ZNF385D: variants seen among roughly 807,000 people sequenced by gnomAD.
ZNF385D encodes the protein zinc finger protein 385D.
In ZNF385D, 15 loss-of-function variants were observed where a neutral mutation model predicts 35.8. The ratio of observed to expected loss-of-function variants is 0.42; its 90% confidence interval spans 0.28 to 0.64. The LOEUF (loss-of-function observed/expected upper bound fraction) is 0.64, where lower values mean the gene tolerates loss of function less well. Ranked by LOEUF, ZNF385D falls within the 30% of genes least tolerant of loss-of-function variation. ZNF385D has a pLI of 0.23. For missense variants in ZNF385D, 474 were observed against 494.6 expected (o/e 0.96, Z 0.39); for synonymous variants, 212 against 186.8 (o/e 1.13, Z -1.10).
chr3:21,449,217 C>A (rs1238364708), intron 4 of ZNF385D, among the ~76,000 whole-genome samples: 1 of 151,488 alleles, frequency 6.6e-6, no homozygotes, highest in Non-Finnish European at 1.5e-5. Context: ...TCTGTGTTAT[C>A]TCTGAAACCA....
chr3:22,338,442 GC>G (rs1437111765), intron 2 of ZNF385D, among the ~76,000 whole-genome samples: 1 of 150,388 alleles, frequency 6.6e-6, no homozygotes, highest in Non-Finnish European at 1.5e-5. Flanking sequence ...GCTGTAGATT[GC>G]CCTTTTTTTG....
intron 2 of ZNF385D, among the ~76,000 whole-genome samples, chr3:22,305,241 CCTT>C (rs1703140384): frequency 6.6e-6 from 1 of 152,062 alleles, no homozygotes; most frequent in Non-Finnish European, 1.5e-5. Context: ...CTATTTATCT[CCTT>C]AACATTTATC....
At chr3:22,010,316 G>A (rs73048192) in intron 3 of ZNF385D, among the ~76,000 whole-genome samples, 25,041 of 152,136 alleles carry the variant, frequency 0.16, 2,204 homozygotes, top group Non-Finnish European at 0.19. Flanking sequence ...GAAATTTACT[G>A]AAGTGGGGCA....
chr3:22,257,879 A>G (rs1056124687), intron 2 of ZNF385D, among the ~76,000 whole-genome samples: 1 of 151,846 alleles, frequency 6.6e-6, no homozygotes, highest in Non-Finnish European at 1.5e-5. Context: ...GTTATTTTCT[A>G]GTGATATTTT....
At chr3:22,271,929 T>C (rs908249868) in intron 2 of ZNF385D, among the ~76,000 whole-genome samples, 2 of 152,078 alleles carry the variant, frequency 1.3e-5, no homozygotes, top group Non-Finnish European at 2.9e-5. Flanking sequence ...ACTTTGAATA[T>C]TGAATTTTGA....
chr3:21,703,839 G>C (rs550995442), intron 1 of ZNF385D, among the ~76,000 whole-genome samples: 1 of 152,062 alleles, frequency 6.6e-6, no homozygotes, highest in African/African-American at 2.4e-5. Flanking sequence ...CCTAGCAATA[G>C]CTGCTACTCC....
At chr3:21,948,545 A>G (rs1325174829) in intron 3 of ZNF385D, among the ~76,000 whole-genome samples, 1 of 152,068 alleles carries the variant, frequency 6.6e-6, no homozygotes, top group Non-Finnish European at 1.5e-5. Flanking sequence ...CACATCTAAT[A>G]TTATATATTT....
At chr3:21,494,237 A>G (rs964574597) in intron 4 of ZNF385D, among the ~76,000 whole-genome samples, 1 of 152,162 alleles carries the variant, frequency 6.6e-6, no homozygotes, top group African/African-American at 2.4e-5. Flanking sequence ...TTGGTCCTTG[A>G]CCTTATCTTC....
chr3:22,242,142 G>T (rs998854365), intron 2 of ZNF385D, among the ~76,000 whole-genome samples: 2 of 150,716 alleles, frequency 1.3e-5, no homozygotes, highest in Non-Finnish European at 2.9e-5. Flanking sequence ...GAGTTAGTGG[G>T]TGCAGCGCAC....
chr3:22,372,325 C>G (rs1696948068), intron 2 of ZNF385D: 1 of 482,010 alleles, frequency 2.1e-6, no homozygotes, highest in Non-Finnish European at 2.7e-6. Context: ...CCATTCCGCG[C>G]CCCCCATGCG....
At chr3:22,036,905 T>C (rs1261428609) in intron 3 of ZNF385D, among the ~76,000 whole-genome samples, 3 of 131,982 alleles carry the variant, frequency 2.3e-5, no homozygotes, top group African/African-American at 8.5e-5. Flanking sequence ...ATGTTCCCCT[T>C]CCCGTGTCCA....
Position 21,807,676 on chromosome 3 carries a change from T to C in ZNF385D, c.326-142648A>G, listed in dbSNP as rs115726388. On this transcript the variant is annotated intron_variant, in intron 3 of 5. Transcript: ENST00000494108. The stretch of plus-strand genomic sequence containing the variant: ...TAGTAATAATAAAATGGAATTATGG[T>C]GAAAATGTTTCTTAGAAACTTTGTT... Among the ~76,000 whole-genome samples, 663 of 152,284 alleles carry C rather than the reference T, an allele frequency of 4.4e-3. 5 individuals are homozygous for C. The highest frequency in any genetic ancestry group is 0.015 in the African/African-American group (629 of 41,564).
At chr3:22,152,373 G>C (rs1705294572) in intron 3 of ZNF385D, among the ~76,000 whole-genome samples, 1 of 152,078 alleles carries the variant, frequency 6.6e-6, no homozygotes, top group Admixed American at 6.6e-5. Context: ...TCCTATCATT[G>C]CTAGAGCAAA....
At chr3:21,701,835 A>G (rs1043959590) in intron 1 of ZNF385D, among the ~76,000 whole-genome samples, 3 of 152,126 alleles carry the variant, frequency 2.0e-5, no homozygotes, top group African/African-American at 4.8e-5. Context: ...CTCCAAAATA[A>G]TCTCCTTTGA....
At chr3:21,699,185 G>C (rs928214905) in intron 1 of ZNF385D, among the ~76,000 whole-genome samples, 1 of 152,170 alleles carries the variant, frequency 6.6e-6, no homozygotes, top group African/African-American at 2.4e-5. Flanking sequence ...CATGTCCTTT[G>C]CAGGGACGTG....
chr3:21,577,803 AT>A (rs904667308), intron 2 of ZNF385D, among the ~76,000 whole-genome samples: 12 of 132,846 alleles, frequency 9.0e-5, no homozygotes, highest in African/African-American at 1.7e-4. Flanking sequence ...CCATTTGTAT[AT>A]TTTTTTTCTT....
intron 3 of ZNF385D, among the ~76,000 whole-genome samples, chr3:21,862,123 G>T (rs536812073): frequency 6.6e-6 from 1 of 152,012 alleles, no homozygotes; most frequent in Admixed American, 6.6e-5. Flanking sequence ...ACAAACAGCC[G>T]AGTACCTTGC....
At chr3:21,541,064 G>A (rs1166333159) in intron 3 of ZNF385D, among the ~76,000 whole-genome samples, 1 of 152,182 alleles carries the variant, frequency 6.6e-6, no homozygotes, top group East Asian at 1.9e-4. Flanking sequence ...TTCTAATATA[G>A]TAGTACCTGG....
intron 2 of ZNF385D, among the ~76,000 whole-genome samples, chr3:21,662,585 C>G (rs926021391): frequency 1.3e-5 from 2 of 152,150 alleles, no homozygotes; most frequent in African/African-American, 4.8e-5. Context: ...AATTCTGAGT[C>G]AAAAGCTACC....
Sources: allele counts gnomAD v4.1 joint callset (sites outside exome capture counted in the v4.1 genomes callset), GRCh38; gene constraint gnomAD v4.1.1; transcripts MANE v1.5; gene names NCBI Gene and HGNC (gene_info 2026-07-23, HGNC 2026-07-21).